The following KAZN variants were observed in gnomAD, a reference collection of about 807,000 sequenced individuals.
KAZN encodes kazrin.
A neutral mutation model predicts 87.4 loss-of-function variants in KAZN; 40 were observed. That is an observed-to-expected ratio of 0.46 (90% CI 0.36 to 0.60). The LOEUF is 0.60. KAZN is among the 20% of genes least tolerant of loss of function. The probability of loss-of-function intolerance (pLI) is 0.00; values close to 1 mark genes in which losing one functional copy is unlikely to be tolerated. For synonymous variants in KAZN, 466 were observed against 458.3 expected, an observed-to-expected ratio of 1.02 and a Z score of -0.22; for missense variants, 898 against 1,073.9, an observed-to-expected ratio of 0.84 and a Z score of 2.29.
At chr1:14,193,661 GTT>G (rs35505020) in intron 2 of KAZN, among the ~76,000 whole-genome samples, 5,013 of 140,574 alleles carry the variant, frequency 0.036, 98 homozygotes, top group Middle Eastern at 0.08. Context: ...AGACTAAGGT[GTT>G]TTTTTTTTTT....
intron 1 of KAZN, among the ~76,000 whole-genome samples, chr1:14,650,696 G>A (rs977432287): frequency 6.6e-6 from 1 of 152,174 alleles, no homozygotes; most frequent in African/African-American, 2.4e-5. Flanking sequence ...ATTCAATATT[G>A]CTTTACATAA....
intron 1 of KAZN, among the ~76,000 whole-genome samples, chr1:14,150,429 C>T (rs1347612668): frequency 6.6e-6 from 1 of 152,186 alleles, no homozygotes; most frequent in Non-Finnish European, 1.5e-5. Context: ...AAGTCTACAC[C>T]CTTTCACTTG....
At chr1:14,970,205 G>C (rs935390360) in intron 2 of KAZN, among the ~76,000 whole-genome samples, 1 of 152,204 alleles carries the variant, frequency 6.6e-6, no homozygotes, top group African/African-American at 2.4e-5. Context: ...ATAGTACGGA[G>C]CGTTGCTGTA....
At chr1:14,701,119 G>A (rs2148804156) in intron 1 of KAZN, among the ~76,000 whole-genome samples, 1 of 152,298 alleles carries the variant, frequency 6.6e-6, no homozygotes, top group South Asian at 2.1e-4. Context: ...TATGACATTA[G>A]TATAATTTTT....
At chr1:14,986,506 T>A (rs1442479420) in intron 2 of KAZN, among the ~76,000 whole-genome samples, 2 of 152,172 alleles carry the variant, frequency 1.3e-5, no homozygotes, top group African/African-American at 4.8e-5. Context: ...ACCTGCTGCT[T>A]TTCTTGGTTG....
chr1:14,954,163 G>A (rs1262671124), intron 1 of KAZN, among the ~76,000 whole-genome samples: 2 of 152,180 alleles, frequency 1.3e-5, no homozygotes, highest in Non-Finnish European at 2.9e-5. Context: ...CAGCACCATT[G>A]GTAACAGTTG....
chr1:14,406,055 T>G (rs1663826795), intron 2 of KAZN, among the ~76,000 whole-genome samples: 2 of 152,168 alleles, frequency 1.3e-5, no homozygotes. Flanking sequence ...GTGACTATGG[T>G]CAACAATAAC....
chr1:14,992,631 C>G (rs1438235863), intron 2 of KAZN, among the ~76,000 whole-genome samples: 1 of 152,044 alleles, frequency 6.6e-6, no homozygotes, highest in Admixed American at 6.6e-5. Context: ...TATCTGGGAG[C>G]CTTTATTGTT....
chr1:14,884,258 G>A (rs1014496526), intron 1 of KAZN, among the ~76,000 whole-genome samples: 1 of 152,116 alleles, frequency 6.6e-6, no homozygotes, highest in African/African-American at 2.4e-5. Flanking sequence ...TGGGTGTGGT[G>A]GCGGGCACCT....
chr1:14,155,617 G>T (rs1490979299), intron 1 of KAZN, among the ~76,000 whole-genome samples: 1 of 151,806 alleles, frequency 6.6e-6, no homozygotes, highest in African/African-American at 2.4e-5. Flanking sequence ...AAGATGCACT[G>T]TTAAGTTTAT....
At chr1:14,488,124 T>C (rs1344760351) in intron 2 of KAZN, among the ~76,000 whole-genome samples, 1 of 152,234 alleles carries the variant, frequency 6.6e-6, no homozygotes, top group Admixed American at 6.5e-5. Context: ...GATGAGTCTT[T>C]GCAGAAGAAA....
At chr1:13,942,446 A>C (rs1050174562) in intron 1 of KAZN, among the ~76,000 whole-genome samples, 2 of 145,854 alleles carry the variant, frequency 1.4e-5, no homozygotes, top group Admixed American at 6.9e-5. Flanking sequence ...AGGCTGAGGC[A>C]GGAGAATGGC....
intron 1 of KAZN, among the ~76,000 whole-genome samples, chr1:14,089,523 TA>T (rs890024846): frequency 5.9e-5 from 9 of 152,162 alleles, no homozygotes; most frequent in African/African-American, 2.2e-4. Flanking sequence ...TCCCCTCAAA[TA>T]ATAGGATATT....
chr1:14,948,338 C>G (rs1662079124), intron 1 of KAZN, among the ~76,000 whole-genome samples: 1 of 152,166 alleles, frequency 6.6e-6, no homozygotes, highest in African/African-American at 2.4e-5. Context: ...CTCATTGGCT[C>G]CTCCCCTCCC....
At chr1:14,208,885 T>C (rs1646796880) in intron 2 of KAZN, among the ~76,000 whole-genome samples, 1 of 152,158 alleles carries the variant, frequency 6.6e-6, no homozygotes, top group Admixed American at 6.5e-5. Context: ...CAAACTCCAT[T>C]CTCATGCCCC....
At chr1:14,290,659 C>A (rs1416526931) in intron 2 of KAZN, among the ~76,000 whole-genome samples, 1 of 152,162 alleles carries the variant, frequency 6.6e-6, no homozygotes, top group Non-Finnish European at 1.5e-5. Context: ...TTATTACCGA[C>A]CTTGTGAAGC....
At chr1:14,354,645 GACACACACACACACAC>G (rs71570202) in intron 2 of KAZN, among the ~76,000 whole-genome samples, 26 of 141,378 alleles carry the variant, frequency 1.8e-4, no homozygotes, top group Admixed American at 4.3e-4. Context: ...AGCTAAATTA[GACACACACACACACAC>G]ACACACACAC....
intron 13 of KAZN, among the ~76,000 whole-genome samples, chr1:15,111,342 C>T (rs1176928139): frequency 6.6e-6 from 1 of 152,076 alleles, no homozygotes; most frequent in Non-Finnish European, 1.5e-5. Context: ...GATCTCGGCT[C>T]ACTGCAACCT....
At chr1:14,947,384 C>A (rs536361970) in intron 1 of KAZN, among the ~76,000 whole-genome samples, 2 of 152,290 alleles carry the variant, frequency 1.3e-5, no homozygotes, top group South Asian at 4.1e-4. Flanking sequence ...CCCCTGGGTA[C>A]CTCCCTTCAG....
Sources: gnomAD v4.1 joint callset for allele counts (sites outside exome capture counted in the v4.1 genomes callset) on GRCh38, gnomAD v4.1.1 for gene constraint, MANE v1.5 for transcripts, NCBI Gene and HGNC (gene_info 2026-07-23, HGNC 2026-07-21) for gene names.